UNC13C: variants seen among roughly 807,000 people sequenced by gnomAD.
UNC13C encodes the protein protein unc-13 homolog C.
In UNC13C, 174 loss-of-function variants were observed where a neutral mutation model predicts 245.4. The ratio of observed to expected loss-of-function variants is 0.71; its 90% confidence interval spans 0.63 to 0.80. UNC13C has a LOEUF of 0.80. UNC13C is among the 30% of genes least tolerant of loss of function. UNC13C has a pLI of 0.00. For missense variants in UNC13C, 2,829 were observed against 2,602.9 expected, an observed-to-expected ratio of 1.09 and a Z score of -1.89; for synonymous variants, 992 against 895.1, an observed-to-expected ratio of 1.11 and a Z score of -1.93.
intron 2 of UNC13C, among the ~76,000 whole-genome samples, chr15:54,086,405 T>A (rs1899240535): frequency 6.6e-6 from 1 of 152,188 alleles, no homozygotes; most frequent in Admixed American, 6.5e-5. Flanking sequence ...TTATGTTCCT[T>A]ATCTCCTTAA....
chr15:53,944,913 T>G, the UNC13C span, among the ~76,000 whole-genome samples: 1 of 152,176 alleles, frequency 6.6e-6, no homozygotes, highest in Admixed American at 6.5e-5. Context: ...TCTCTGCAAC[T>G]TTACCAGCAT....
chr15:54,609,158 C>T (rs1899940980), intron 30 of UNC13C, among the ~76,000 whole-genome samples: 1 of 152,154 alleles, frequency 6.6e-6, no homozygotes, highest in Non-Finnish European at 1.5e-5. Flanking sequence ...CTTTTCATTT[C>T]ATTTTTTAAT....
chr15:54,437,494 T>C (rs2140985017), intron 19 of UNC13C, among the ~76,000 whole-genome samples: 1 of 152,080 alleles, frequency 6.6e-6, no homozygotes, highest in South Asian at 2.1e-4. Flanking sequence ...TTTCCTTCCT[T>C]AGATCTATCT....
chr15:54,609,349 T>G (rs1239361925), intron 30 of UNC13C: 1 of 152,208 alleles, frequency 6.6e-6, no homozygotes, highest in Non-Finnish European at 1.5e-5. Flanking sequence ...GTTCAGTGAC[T>G]CACTCACATG....
chr15:54,026,444 C>T (rs1896110973), intron 2 of UNC13C, among the ~76,000 whole-genome samples: 1 of 152,158 alleles, frequency 6.6e-6, no homozygotes, highest in South Asian at 2.1e-4. Flanking sequence ...GAACACCTGG[C>T]CTGTAATACA....
intron 2 of UNC13C, among the ~76,000 whole-genome samples, chr15:54,086,432 C>G (rs559143823): frequency 5.1e-4 from 77 of 152,142 alleles, no homozygotes; most frequent in Non-Finnish European, 9.6e-4. Context: ...CATGGCATAA[C>G]CAAAAATTTT....
the UNC13C span, among the ~76,000 whole-genome samples, chr15:53,962,507 C>T: frequency 7.9e-5 from 12 of 151,978 alleles, no homozygotes; most frequent in Non-Finnish European, 1.8e-4. Context: ...CAGTTCCACC[C>T]CTGTTCTTGC....
At chr15:53,934,419 A>G in the UNC13C span, among the ~76,000 whole-genome samples, 5 of 152,172 alleles carry the variant, frequency 3.3e-5, no homozygotes, top group African/African-American at 1.2e-4. Context: ...CTCACTTTGT[A>G]TTTCTAACAC....
intron 2 of UNC13C, among the ~76,000 whole-genome samples, chr15:54,073,975 T>A (rs1343842330): frequency 1.3e-5 from 2 of 152,038 alleles, no homozygotes; most frequent in African/African-American, 4.8e-5. Context: ...CAGAATGGTA[T>A]TGCCTAGGTT....
At chr15:54,577,569 T>C (rs1898010153) in intron 30 of UNC13C, among the ~76,000 whole-genome samples, 1 of 152,070 alleles carries the variant, frequency 6.6e-6, no homozygotes, top group East Asian at 1.9e-4. Flanking sequence ...AGATATTCCT[T>C]CTCCAGGCTC....
intron 4 of UNC13C, among the ~76,000 whole-genome samples, chr15:54,196,335 G>A (rs1045470917): frequency 6.6e-6 from 1 of 151,012 alleles, no homozygotes; most frequent in African/African-American, 2.4e-5. Flanking sequence ...CAGCATGCAG[G>A]CTACTGGAGA....
At chr15:53,904,818 C>A in the UNC13C span, among the ~76,000 whole-genome samples, 1 of 152,104 alleles carries the variant, frequency 6.6e-6, no homozygotes, top group Admixed American at 6.6e-5. Context: ...ATACCTTGGG[C>A]AAGTTACTTA....
At chr15:54,031,657 TG>T in intron 2 of UNC13C, among the ~76,000 whole-genome samples, 1 of 152,350 alleles carries the variant, frequency 6.6e-6, no homozygotes, top group South Asian at 2.1e-4. Flanking sequence ...CAAGTGTATG[TG>T]TTTGCCTGTG....
At chr15:54,552,636 T>C (rs1896843381) in intron 28 of UNC13C, among the ~76,000 whole-genome samples, 1 of 82,776 alleles carries the variant, frequency 1.2e-5, no homozygotes, top group Non-Finnish European at 2.0e-5. Flanking sequence ...TATTGTACAA[T>C]ATAATATAAT....
At chr15:54,340,191 G>C (rs2141007918) in intron 17 of UNC13C, among the ~76,000 whole-genome samples, 1 of 152,246 alleles carries the variant, frequency 6.6e-6, no homozygotes, top group African/African-American at 2.4e-5. Context: ...TTAGTCCTCT[G>C]ACAGATGTAT....
chr15:54,434,249 A>G (rs2040933303), intron 19 of UNC13C, among the ~76,000 whole-genome samples: 1 of 151,990 alleles, frequency 6.6e-6, no homozygotes, highest in Admixed American at 6.6e-5. Flanking sequence ...TTTCATATGG[A>G]ACAACAACAA....
At chr15:54,038,279 G>A (rs909016064) in intron 2 of UNC13C, among the ~76,000 whole-genome samples, 4 of 150,760 alleles carry the variant, frequency 2.7e-5, no homozygotes, top group Non-Finnish European at 5.9e-5. Flanking sequence ...TTACTGGCAC[G>A]TGCAACAATG....
the UNC13C span, among the ~76,000 whole-genome samples, chr15:53,916,478 T>C: frequency 1.3e-5 from 2 of 152,272 alleles, no homozygotes; most frequent in South Asian, 2.1e-4. Flanking sequence ...GAAGCAGCCC[T>C]GAGAAACAAA....
Position 53,978,568 on chromosome 15 carries a change from T to C in UNC13C, c.-616T>C, listed in dbSNP as rs1216490660. Among the ~76,000 whole-genome samples the C allele has an allele frequency of 6.6e-6, 1 of 152,152 alleles. No homozygotes were observed. The highest frequency in any genetic ancestry group is 1.5e-5 in the Non-Finnish European group (1 of 68,016). On this transcript the variant is annotated 5_prime_UTR_variant, in exon 1 of 33. Transcript: ENST00000260323. ...CACACGGGAGAGATCCCATTTTGCT[T>C]TCTGGGAGAAAGAGATGAGAAATGA... is the stretch of plus-strand genomic sequence containing the variant.
Sources: allele counts gnomAD v4.1 joint callset (sites outside exome capture counted in the v4.1 genomes callset), GRCh38; gene constraint gnomAD v4.1.1; transcripts MANE v1.5; gene names NCBI Gene and HGNC (gene_info 2026-07-23, HGNC 2026-07-21).